The following MED15 variants were observed in gnomAD, a reference collection of about 807,000 sequenced individuals.
MED15 encodes the protein mediator of RNA polymerase II transcription subunit 15.
In MED15, 41 loss-of-function variants were observed where a neutral mutation model predicts 118.7. The ratio of observed to expected loss-of-function variants is 0.35; its 90% CI spans 0.27 to 0.45. The LOEUF (loss-of-function observed/expected upper bound fraction) is 0.45, where lower values mean the gene tolerates loss of function less well. Among genes scored for constraint, MED15 ranks in the 20% least tolerant of loss-of-function variants. The probability of loss-of-function intolerance (pLI) is 1.00; values close to 1 mark genes in which losing one functional copy is unlikely to be tolerated. For missense variants in MED15, 740 were observed against 1,025.5 expected (o/e 0.72, Z 3.80); for synonymous variants, 436 against 413.9 (o/e 1.05, Z -0.65).
intron 5 of MED15, among the ~76,000 whole-genome samples, chr22:20,557,731 C>T (rs1024584877): frequency 6.6e-6 from 1 of 152,218 alleles, no homozygotes; most frequent in Non-Finnish European, 1.5e-5. Context: ...ATCCTGCCCA[C>T]GCCCTCCCCA....
Position 20,585,732 on chromosome 22 carries a change from C to T in MED15, c.2136C>T (p.Asp712=), listed in dbSNP as rs2057116358. ...ATAGAGCCTTCTGTGTTGCAGATGACAAGGACCTCCCAAGTGTGCCACCAC... is the reference window on the plus strand; with the variant it reads ...ATAGAGCCTTCTGTGTTGCAGATGATAAGGACCTCCCAAGTGTGCCACCAC... ...GTVHLICKLD[D]KDLPSVPPLE... The change falls in exon 17 of 18, where the codon GAC becomes GAT. Residue 712 remains aspartate (D), a synonymous_variant. Coordinates refer to ENST00000263205, the MANE Select transcript of MED15 (RefSeq NM_001003891.3). 1.2e-6 allele frequency: 2 copies of T among 1,613,206 alleles called. No individual in the cohort carries two copies. The highest frequency in any genetic ancestry group is 1.7e-6 in the Non-Finnish European group (2 of 1,179,946).
At chr22:20,573,207 A>G (rs2056722353) in intron 8 of MED15, among the ~76,000 whole-genome samples, 1 of 152,136 alleles carries the variant, frequency 6.6e-6, no homozygotes, top group African/African-American at 2.4e-5. Flanking sequence ...GCCTTAAGAG[A>G]TGTGCCCGCT....
chr22:20,556,229 A>G (rs2055999204), intron 5 of MED15, among the ~76,000 whole-genome samples: 1 of 151,994 alleles, frequency 6.6e-6, no homozygotes, highest in African/African-American at 2.4e-5. Flanking sequence ...TACATAGAAC[A>G]TTGTCAAAAC....
At chr22:20,570,726 T>TTTTCTTTCTTTCTTTCTTTC in intron 8 of MED15, among the ~76,000 whole-genome samples, 1 of 113,742 alleles carries the variant, frequency 8.8e-6, no homozygotes, top group Non-Finnish European at 1.8e-5. Context: ...TTCTCTTTTC[T>TTTTCTTTCTTTCTTTCTTTC]TTTCTTTCTT....
At chr22:20,585,524 T>C (rs543592998) in intron 16 of MED15, 2 of 681,382 alleles carry the variant, frequency 2.9e-6, no homozygotes, top group Non-Finnish European at 4.9e-6. Context: ...AGGGAGGTGG[T>C]AGGCAGGACC....
intron 2 of MED15, among the ~76,000 whole-genome samples, chr22:20,538,075 G>A (rs944415752): frequency 6.6e-6 from 1 of 152,216 alleles, no homozygotes; most frequent in Non-Finnish European, 1.5e-5. Flanking sequence ...GATATTCACA[G>A]AGTTGTGTGG....
intron 14 of MED15, 76 bp from the exon 15 acceptor site, chr22:20,584,779 G>C: frequency 6.4e-7 from 1 of 1,553,392 alleles, no homozygotes; most frequent in East Asian, 2.3e-5. Context: ...AGTGACCATG[G>C]GCCTGGGGTG....
At chr22:20,575,574 A>T (rs1414403772) in intron 9 of MED15, among the ~76,000 whole-genome samples, 1 of 152,068 alleles carries the variant, frequency 6.6e-6, no homozygotes, top group Admixed American at 6.6e-5. Context: ...GTTTACATTT[A>T]AATTGACTAA....
chr22:20,570,100 C>G (rs558812789), intron 8 of MED15, among the ~76,000 whole-genome samples: 4 of 152,356 alleles, frequency 2.6e-5, no homozygotes, highest in African/African-American at 9.6e-5. Flanking sequence ...TCTTGGCTCA[C>G]TGCAACCTCT....
At chr22:20,582,491 A>G in intron 9 of MED15, 120 bp from the exon 10 acceptor site, 2 of 1,461,012 alleles carry the variant, frequency 1.4e-6, no homozygotes, top group Non-Finnish European at 1.8e-6. Flanking sequence ...ATTTGGATGA[A>G]GACACAGGTG....
intron 1 of MED15, among the ~76,000 whole-genome samples, chr22:20,528,034 C>G (rs567768100): frequency 6.6e-6 from 1 of 151,776 alleles, no homozygotes; most frequent in Non-Finnish European, 1.5e-5. Context: ...ACTGAGATTA[C>G]AGGTGCGAAC....
At chr22:20,534,153 G>T (rs1331440347) in intron 1 of MED15, among the ~76,000 whole-genome samples, 1 of 152,112 alleles carries the variant, frequency 6.6e-6, no homozygotes, top group South Asian at 2.1e-4. Flanking sequence ...GGCCACATCT[G>T]CCACCCACAG....
In MED15 at chr22:20,583,347, A is replaced by T; in HGVS notation, c.1690A>T (p.Ser564Cys). Residue 564 changes from serine (S) to cysteine (C), a missense_variant, in exon 13 of 18, where the codon AGT becomes TGT. Around this residue, in one of 7 missense-constraint regions of MED15, gnomAD observed 384 missense variants for 506.3 expected, o/e 0.76. Coordinates refer to ENST00000263205, the MANE Select transcript of MED15 (RefSeq NM_001003891.3). The part of the protein sequence containing the change: ...DKNEDRKKDL[S>C]KMKSLLDILT... ...TGTCCCAGACAGAAAAAAGGACCTGAGTAAGATGAAGAGCCTTCTGGACAT... is the reference window on the plus strand; with the variant it reads ...TGTCCCAGACAGAAAAAAGGACCTGTGTAAGATGAAGAGCCTTCTGGACAT... 6.2e-7 allele frequency: 1 copy of T among 1,612,802 alleles called. No individual in the cohort carries two copies. Among genetic ancestry groups the T allele is most frequent in the Non-Finnish European group, 8.5e-7 (1 of 1,180,028 alleles).
intron 5 of MED15, among the ~76,000 whole-genome samples, chr22:20,555,394 C>A (rs191476955): frequency 1.3e-5 from 2 of 152,082 alleles, no homozygotes; most frequent in African/African-American, 4.8e-5. Context: ...GTGGGGATGG[C>A]CTGAGACTCC....
intron 2 of MED15, 99 bp downstream of exon 2, chr22:20,537,303 G>T: frequency 5.8e-6 from 6 of 1,035,820 alleles, no homozygotes; most frequent in Admixed American, 2.4e-5. Context: ...AGGGTGTAGG[G>T]GTGGGGTGGT....
intron 16 of MED15, 188 bp downstream of exon 16, chr22:20,585,455 C>CCAGAG: frequency 1.3e-6 from 1 of 799,378 alleles, no homozygotes; most frequent in Non-Finnish European, 2.0e-6. Context: ...GTCCCCACTG[C>CCAGAG]CAGAGCCCGC....
At position 20,541,586 on chromosome 22, in the gene MED15, T is replaced by G. The variant is rs548797394; in HGVS notation, c.156+4382T>G. On this transcript the variant is annotated intron_variant, in intron 2 of 17. Coordinates refer to ENST00000263205, the MANE Select transcript of MED15 (RefSeq NM_001003891.3). ...ACAGCCTTCGCCTCCCAAATTCCGGTGATTTTCCTGCCTCAGCCTCCTGGG... is the reference window on the plus strand; with the variant it reads ...ACAGCCTTCGCCTCCCAAATTCCGGGGATTTTCCTGCCTCAGCCTCCTGGG... Among the ~76,000 whole-genome samples, 8 of 150,246 alleles carry G rather than the reference T, an allele frequency of 5.3e-5. No individual in the cohort carries two copies. In the East Asian group the frequency reaches 1.6e-3, roughly 29 times the overall value.
At chr22:20,566,988 A>C (rs1275884663) in intron 7 of MED15, among the ~76,000 whole-genome samples, 171 bp downstream of exon 7, 1 of 152,158 alleles carries the variant, frequency 6.6e-6, no homozygotes, top group African/African-American at 2.4e-5. Flanking sequence ...GCAGGGAAGC[A>C]TGTGTTTTGC....
At chr22:20,570,132 C>G (rs747024224) in intron 8 of MED15, among the ~76,000 whole-genome samples, 2 of 152,176 alleles carry the variant, frequency 1.3e-5, no homozygotes, top group South Asian at 4.1e-4. Context: ...TCAAGTGATT[C>G]TCCTGCCTCA....
Sources: gnomAD v4.1 joint callset for allele counts (sites outside exome capture counted in the v4.1 genomes callset) on GRCh38, gnomAD v4.1.1 for gene constraint, gnomAD v4.1.1 regional missense constraint, MANE v1.5 for transcripts, NCBI Gene and HGNC (gene_info 2026-07-23, HGNC 2026-07-21) for gene names.